SLC26A1: variants seen among roughly 807,000 people sequenced by gnomAD.
The protein encoded by SLC26A1 is solute carrier family 26 member 1, also known as sulfate anion transporter 1.
SLC26A1 carries 18 observed loss-of-function variants against 14.5 expected under a neutral mutation model. The ratio of observed to expected loss-of-function variants is 1.24; its 90% CI spans 0.86 to 1.84. SLC26A1 has a LOEUF of 1.84. SLC26A1 is among the 40% of genes most tolerant of loss of function. The pLI is 0.00. For missense variants in SLC26A1, 1,049 were observed against 1,020.0 expected (o/e 1.03, Z -0.39); for synonymous variants, 505 against 492.0 (o/e 1.03, Z -0.35).
chr4:988,604 C>A lies in SLC26A1; in HGVS notation c.*229G>T. 1 of 1,375,960 alleles carries A rather than the reference C, an allele frequency of 7.3e-7. No individual in the cohort carries two copies. The highest frequency in any genetic ancestry group is 1.8e-5 in the South Asian group (1 of 56,424). The allele number at this position is 1,375,960 out of a possible 1,614,324, so 85.2% of individuals were successfully genotyped here. Reference sequence around the variant, plus strand: ...ATTGGGGCCCAGCCAGCACTGTGGGCCAGCCTGTCTCGGAGGCAGAGGTTC... The same window carrying A: ...ATTGGGGCCCAGCCAGCACTGTGGGACAGCCTGTCTCGGAGGCAGAGGTTC... On this transcript the variant is annotated 3_prime_UTR_variant, in exon 3 of 3. Transcript: ENST00000398516.
rs377294470 is a variant in SLC26A1 at position 990,177 on chromosome 4, G to A, written c.762C>T (p.Arg254=). Residue 254 remains arginine, a synonymous_variant, in exon 3 of 3, where the codon CGC becomes CGT. Transcript: ENST00000398516. ...CGCACACGTTGGCCTGCCCGGCGCCGCGCAGCAGGCTCAGCCATGTGAGGA... is the reference window on the plus strand; with the variant it reads ...CGCACACGTTGGCCTGCCCGGCGCCACGCAGCAGGCTCAGCCATGTGAGGA... ...MVVLTWLSLL[R]GAGQANVCDV... is the part of the protein sequence containing the mutation. The A allele has an allele frequency of 1.0e-4, 161 of 1,559,860 alleles. No individual in the cohort carries two copies. In the African/African-American group the frequency reaches 1.2e-3, roughly 12 times the overall value.
chr4:989,702 G>C lies in SLC26A1; in HGVS notation c.1237C>G (p.Gln413Glu). Residue 413 changes from glutamine (Q) to glutamate (E), a missense_variant, in exon 3 of 3, where the codon CAG becomes GAG. By Grantham distance (29) the Gln-to-Glu change is conservative. Coordinates refer to ENST00000398516, the MANE Select transcript of SLC26A1 (RefSeq NM_022042.4). ...GTGGCGCTGACCACGCTGGACAGCT[G>C]TGTCCGGCAGCCAGTGGCTGTCTTC... ...LVKTATGCRT[Q>E]LSSVVSATVV... 6.4e-7 allele frequency: 1 copy of C among 1,559,984 alleles called. No homozygotes were observed. Among genetic ancestry groups the C allele is most frequent in the Non-Finnish European group, 8.7e-7 (1 of 1,152,736 alleles).
chr4:988,945 T>C lies in SLC26A1; in HGVS notation c.1994A>G (p.Glu665Gly), dbSNP rs1297323654. Reference protein sequence around the residue: ...DILSRGGFLGEGPGDTAEEEQ... With the variant: ...DILSRGGFLGGGPGDTAEEEQ... ...CTCCTCAGCCGTGTCCCCGGGGCCC[T>C]CCCCGAGGAAGCCTCCTCTGCTCAG... The change falls in exon 3 of 3, where the codon GAG (glutamate) becomes GGG (glycine). Residue 665 changes from glutamate to glycine, a missense_variant. Glu to Gly is a moderately conservative substitution (Grantham distance 98, BLOSUM62 -2). Transcript: ENST00000398516. The C allele has an allele frequency of 1.3e-6, 2 of 1,596,702 alleles. No homozygotes were observed. Among genetic ancestry groups the C allele is most frequent in the Non-Finnish European group, 8.5e-7 (1 of 1,172,496 alleles).
downstream of SLC26A1, chr4:986,919 C>G (rs1325683996): frequency 1.4e-6 from 1 of 703,914 alleles, no homozygotes; most frequent in East Asian, 3.0e-5. Flanking sequence ...GCTCCCGGCT[C>G]CCCGAGGCTC....
downstream of SLC26A1, among the ~76,000 whole-genome samples, chr4:985,520 G>A (rs918270512): frequency 3.9e-5 from 6 of 152,190 alleles, no homozygotes; most frequent in Admixed American, 3.9e-4. Context: ...GTTCTCTGAC[G>A]CTTTGAGGAA....
At chr4:986,805 CAT>C, downstream of SLC26A1, 3 of 600,080 alleles carry the variant, frequency 5.0e-6, no homozygotes, top group Non-Finnish European at 9.4e-6. Flanking sequence ...GCTCAACTCA[CAT>C]AGCACCAACG....
rs1000185990 is a variant in SLC26A1, at chr4:988,355, G to A, written c.*478C>T. 9 of 1,081,746 alleles carry A rather than the reference G, an allele frequency of 8.3e-6. No homozygotes were observed. The highest frequency in any genetic ancestry group is 1.0e-5 in the Non-Finnish European group (9 of 890,078). 67.0% of individuals were successfully genotyped at this position (1,081,746 alleles called of 1,614,324 possible). ...CCTGTGAGGGGGAGGCACGAGGTGTGAGGGGCACTTGGGTGTGTGGGGCCT... is the reference window on the plus strand; with the variant it reads ...CCTGTGAGGGGGAGGCACGAGGTGTAAGGGGCACTTGGGTGTGTGGGGCCT... On this transcript the variant is annotated 3_prime_UTR_variant, in exon 3 of 3. Coordinates refer to ENST00000398516, the MANE Select transcript of SLC26A1 (RefSeq NM_022042.4).
downstream of SLC26A1, chr4:987,333 G>A: frequency 9.6e-6 from 12 of 1,244,756 alleles, no homozygotes; most frequent in Non-Finnish European, 1.3e-5. Flanking sequence ...TCAGAGACCG[G>A]AGCTCCCTCC....
At position 988,517 on chromosome 4, in the gene SLC26A1, A is replaced by G; in HGVS notation, c.*316T>C. On this transcript the variant is annotated 3_prime_UTR_variant, in exon 3 of 3. Coordinates refer to ENST00000398516, the MANE Select transcript of SLC26A1 (RefSeq NM_022042.4). ...GCATGATGGCGGGGGACCCTTGTTC[A>G]AATAAGATGTCAACCCTGAGCGTCA... is the stretch of plus-strand genomic sequence containing the variant. The G allele has an allele frequency of 8.5e-7, 1 of 1,178,414 alleles. No individual in the cohort carries two copies. The highest frequency in any genetic ancestry group is 1.1e-6 in the Non-Finnish European group (1 of 951,564). 73.0% of individuals were successfully genotyped at this position (1,178,414 alleles called of 1,614,324 possible). A position where few individuals can be genotyped will look rare whatever the true frequency, so the allele number is the denominator to read the frequency against.
Position 991,324 on chromosome 4 carries a change from C to T in SLC26A1, c.380G>A (p.Ser127Asn), listed in dbSNP as rs1289524283. The T allele has an allele frequency of 1.9e-6, 3 of 1,612,848 alleles. No individual in the cohort carries two copies. Among genetic ancestry groups the T allele is most frequent in the Non-Finnish European group, 1.7e-6 (2 of 1,179,938 alleles). The change falls in exon 2 of 3, where the codon AGC (serine) becomes AAC (asparagine). Residue 127 changes from serine (S) to asparagine (N), a missense_variant. Ser to Asn is a conservative substitution (Grantham distance 46). Coordinates refer to ENST00000398516, the MANE Select transcript of SLC26A1 (RefSeq NM_022042.4). Reference protein sequence around the residue: ...TSRHVSVGIFSLLCLMVGQVV... With the variant: ...TSRHVSVGIFNLLCLMVGQVV... Reference sequence around the variant, plus strand: ...CTGCCCCACCATGAGGCAAAGCAGGCTGAAGATGCCCACGGAGACATGCCG... The same window carrying T: ...CTGCCCCACCATGAGGCAAAGCAGGTTGAAGATGCCCACGGAGACATGCCG...
chr4:985,704 C>T (rs536038829), downstream of SLC26A1, among the ~76,000 whole-genome samples: 41 of 151,960 alleles, frequency 2.7e-4, no homozygotes, highest in Non-Finnish European at 5.4e-4. Context: ...TATGTTTTTC[C>T]TCCTTGCTAA....
chr4:989,073 T>G lies in SLC26A1; in HGVS notation c.1866A>C (p.Leu622=). The change falls in exon 3 of 3, where the codon CTA becomes CTC. Residue 622 remains leucine (L), a synonymous_variant. Coordinates refer to ENST00000398516, the MANE Select transcript of SLC26A1 (RefSeq NM_022042.4). The part of the protein sequence containing the change: ...VVIDCAPLLF[L]DAAGVSTLQD... Reference sequence around the variant, plus strand: ...GCAGCGTGCTCACACCGGCTGCGTCTAGGAACAGCAGCGGGGCGCAGTCGA... The same window carrying G: ...GCAGCGTGCTCACACCGGCTGCGTCGAGGAACAGCAGCGGGGCGCAGTCGA... The G allele has an allele frequency of 1.9e-6, 3 of 1,592,966 alleles. No homozygotes were observed. Among genetic ancestry groups the G allele is most frequent in the Non-Finnish European group, 2.6e-6 (3 of 1,170,232 alleles).
downstream of SLC26A1, chr4:987,379 C>T: frequency 2.1e-6 from 2 of 930,878 alleles, no homozygotes; most frequent in Non-Finnish European, 1.5e-6. Flanking sequence ...CGCCCCCCGC[C>T]GTGTTTGTGG....
intron 2 of SLC26A1, 116 bp downstream of exon 2, chr4:991,012 G>A (rs773228586): frequency 1.2e-5 from 13 of 1,083,580 alleles, no homozygotes; most frequent in Non-Finnish European, 1.7e-5. Flanking sequence ...TTGCTGTCTT[G>A]GGCCAGCACC....
intron 2 of SLC26A1, chr4:979,582 CG>C: frequency 6.3e-7 from 1 of 1,584,600 alleles, no homozygotes; most frequent in Non-Finnish European, 8.6e-7. Context: ...GTCCCCCTGC[CG>C]GGCCCCAAAG....
Position 988,438 on chromosome 4 carries a change from G to C in SLC26A1, c.*395C>G. The stretch of plus-strand genomic sequence containing the variant: ...CAGAGCCGCTGGCTCCTACCAGCAG[G>C]GTGGGCACCGGGCAGGCCTGGGCAT... On this transcript the variant is annotated 3_prime_UTR_variant, in exon 3 of 3. Coordinates refer to ENST00000398516, the MANE Select transcript of SLC26A1 (RefSeq NM_022042.4). The C allele has an allele frequency of 9.3e-7, 1 of 1,077,706 alleles. No homozygotes were observed. The allele number at this position is 1,077,706 out of a possible 1,614,324, so 66.8% of individuals were successfully genotyped here.
Position 991,631 on chromosome 4 carries a change from G to A in SLC26A1, c.73C>T (p.Arg25Trp), listed in dbSNP as rs756712301. Residue 25 changes from arginine (R) to tryptophan (W), a missense_variant, in exon 2 of 3, where the codon CGG becomes TGG. Coordinates refer to ENST00000398516, the MANE Select transcript of SLC26A1 (RefSeq NM_022042.4). ...VPVRRQRPAP[R>W]GLREMLKARL... ...GCCTTCAGCATCTCACGCAGACCCC[G>A]GGGTGCTGGGCGCTGCCGTCGGACC... 7.0e-6 allele frequency: 11 copies of A among 1,574,200 alleles called. No homozygotes were observed. Among genetic ancestry groups the A allele is most frequent in the Middle Eastern group, 1.7e-4 (1 of 5,948 alleles).
At chr4:990,480 T>TG in intron 2 of SLC26A1, 118 bp from the exon 3 acceptor site, 1 of 1,010,096 alleles carries the variant, frequency 9.9e-7, no homozygotes, top group East Asian at 2.6e-5. Context: ...AATTCTGTGT[T>TG]GCGGCCCCGT....
intron 2 of SLC26A1, chr4:979,581 C>T (rs913511247): frequency 6.9e-6 from 11 of 1,584,244 alleles, no homozygotes; most frequent in Non-Finnish European, 9.5e-6. Context: ...CGTCCCCCTG[C>T]CGGGCCCCAA....
Sources: gnomAD v4.1 joint callset for allele counts (sites outside exome capture counted in the v4.1 genomes callset) on GRCh38, gnomAD v4.1.1 for gene constraint, MANE v1.5 for transcripts, NCBI Gene and HGNC (gene_info 2026-07-23, HGNC 2026-07-21) for gene names.